Variants in GALNT6 observed in about 807,000 individuals in gnomAD.
GALNT6 encodes GalNAc transferase 6.
Under a neutral mutation model 65.9 loss-of-function variants are expected in GALNT6, and 51 were observed. That is an observed-to-expected ratio of 0.77 (90% CI 0.62 to 0.98). The LOEUF (loss-of-function observed/expected upper bound fraction) is 0.98. Ranked by LOEUF, GALNT6 falls within the 50% of genes least tolerant of loss-of-function variation. GALNT6 has a pLI of 0.00. For synonymous variants in GALNT6, 323 were observed against 315.1 expected (o/e 1.02, Z -0.26); for missense variants, 708 against 803.3 (o/e 0.88, Z 1.43).
At chr12:51,377,057 T>C in intron 4 of GALNT6, 138 bp downstream of exon 4, 1 of 695,996 alleles carries the variant, frequency 1.4e-6, no homozygotes, top group Non-Finnish European at 2.5e-6. Flanking sequence ...TTCTTCCTGC[T>C]CCTGGCCTTT....
intron 11 of GALNT6, 30 bp from the exon 12 acceptor site, chr12:51,354,522 T>C (rs1439795296): frequency 2.1e-6 from 3 of 1,421,522 alleles, no homozygotes; most frequent in Non-Finnish European, 2.9e-6. Context: ...AAGGTCAGTC[T>C]GGGCCACAGA....
chr12:51,363,216 ACTC>A (rs1206349470), intron 6 of GALNT6, among the ~76,000 whole-genome samples: 1 of 152,056 alleles, frequency 6.6e-6, no homozygotes, highest in Non-Finnish European at 1.5e-5. Context: ...ACTAAAAGTC[ACTC>A]CTCAACTTGG....
rs1407790775 is a variant in GALNT6, at chr12:51,384,737, T to TAGC, written c.-103-4856_-103-4854dup. Among the ~76,000 whole-genome samples the TAGC allele has an allele frequency of 1.1e-3, 165 of 149,940 alleles. 1 individual carries two copies. The highest frequency in any genetic ancestry group is 3.9e-3 in the African/African-American group (158 of 40,918). ...GACCAATTAGCAAAAAGAGACCAGT[T>TAGC]AGCTGGGTGTGGTGGCATAGGCCTG... is the stretch of plus-strand genomic sequence containing the variant. On this transcript the variant is annotated intron_variant, in intron 2 of 11. Transcript: ENST00000356317.
chr12:51,376,390 T>C (rs1413382290), intron 4 of GALNT6, among the ~76,000 whole-genome samples: 5 of 151,636 alleles, frequency 3.3e-5, no homozygotes, highest in Non-Finnish European at 7.4e-5. Context: ...TCCCAGCACT[T>C]TGGGAGGCTG....
chr12:51,373,163 G>C (rs1947342167), intron 4 of GALNT6, among the ~76,000 whole-genome samples: 1 of 152,150 alleles, frequency 6.6e-6, no homozygotes. Context: ...AGACTTTGGG[G>C]GGACTGTTGG....
chr12:51,365,156 A>G (rs946805258), intron 5 of GALNT6, among the ~76,000 whole-genome samples: 13 of 152,172 alleles, frequency 8.5e-5, no homozygotes, highest in Non-Finnish European at 4.4e-5. Flanking sequence ...AGATGGGAGT[A>G]CAGGGAGGGA....
Position 51,379,731 on chromosome 12 carries a change from G to A in GALNT6, c.51C>T (p.Gly17=). The change falls in exon 3 of 12, where the codon GGC becomes GGT. Residue 17 remains glycine (G), a synonymous_variant. Coordinates refer to ENST00000356317, the MANE Select transcript of GALNT6 (RefSeq NM_007210.4). ...RHMPLRLAMV[G]CAFVLFLFLL... ...GGAAGAGGAAGAGCACAAAGGCGCA[G>A]CCCACCATGGCCAGGCGCAGGGGCA... 1.2e-6 allele frequency: 2 copies of A among 1,613,122 alleles called. No individual in the cohort carries two copies. Among genetic ancestry groups the A allele is most frequent in the Non-Finnish European group, 1.7e-6 (2 of 1,179,896 alleles).
chr12:51,378,421 T>A (rs1170717477), intron 3 of GALNT6, among the ~76,000 whole-genome samples: 1 of 152,114 alleles, frequency 6.6e-6, no homozygotes, highest in Non-Finnish European at 1.5e-5. Flanking sequence ...CCTTCCATAG[T>A]GCTGGGATTA....
intron 2 of GALNT6, among the ~76,000 whole-genome samples, chr12:51,386,187 C>T (rs1947835465): frequency 6.6e-6 from 1 of 152,232 alleles, no homozygotes; most frequent in Non-Finnish European, 1.5e-5. Flanking sequence ...CTCATTTTAT[C>T]AACGGCGAGG....
intron 6 of GALNT6, among the ~76,000 whole-genome samples, chr12:51,361,458 G>A (rs1449399454): frequency 2.0e-5 from 3 of 152,204 alleles, no homozygotes; most frequent in African/African-American, 4.8e-5. Context: ...GAAGTTGCCA[G>A]TTGCTTTTAA....
chr12:51,384,684 T>C (rs1206644417), intron 2 of GALNT6, among the ~76,000 whole-genome samples: 1 of 117,734 alleles, frequency 8.5e-6, no homozygotes, highest in African/African-American at 3.4e-5. Context: ...AGAGCAAGAC[T>C]CTGTCTCAAA....
intron 3 of GALNT6, 78 bp downstream of exon 3, chr12:51,379,213 G>T: frequency 1.4e-6 from 2 of 1,403,928 alleles, no homozygotes; most frequent in South Asian, 1.5e-5. Flanking sequence ...TCTGGCCCTT[G>T]ATCTATGGCC....
chr12:51,391,493 G>T, upstream of GALNT6: 1 of 155,874 alleles, frequency 6.4e-6, no homozygotes, highest in Non-Finnish European at 1.4e-5. Context: ...GAGGAGGTGA[G>T]AGCGAGGACT....
intron 4 of GALNT6, 77 bp from the exon 5 acceptor site, chr12:51,365,656 G>A: frequency 1.4e-6 from 2 of 1,463,132 alleles, no homozygotes; most frequent in South Asian, 1.3e-5. Context: ...CAAGCTAGGG[G>A]CTCTCAGGCC....
chr12:51,384,877 C>G (rs1173401455), intron 2 of GALNT6, among the ~76,000 whole-genome samples: 1 of 151,672 alleles, frequency 6.6e-6, no homozygotes, highest in Non-Finnish European at 1.5e-5. Context: ...AGAGCGAGAC[C>G]CTGTCTCAAA....
chr12:51,383,269 C>T (rs897195900), intron 2 of GALNT6, among the ~76,000 whole-genome samples: 2 of 152,104 alleles, frequency 1.3e-5, no homozygotes, highest in African/African-American at 4.8e-5. Flanking sequence ...GGAACTGTCC[C>T]GGCTAAGCCC....
chr12:51,355,614 C>T (rs1030468992), intron 11 of GALNT6, among the ~76,000 whole-genome samples, 192 bp downstream of exon 11: 1 of 152,106 alleles, frequency 6.6e-6, no homozygotes, highest in African/African-American at 2.4e-5. Flanking sequence ...GGATTATAGG[C>T]GCCGACCACT....
At chr12:51,365,979 G>A (rs549693615) in intron 4 of GALNT6, among the ~76,000 whole-genome samples, 33 of 152,278 alleles carry the variant, frequency 2.2e-4, no homozygotes, top group South Asian at 4.1e-4. Flanking sequence ...GTGCAATGGC[G>A]TGATCTTGGC....
At chr12:51,385,238 C>T (rs1458895497) in intron 2 of GALNT6, among the ~76,000 whole-genome samples, 1 of 152,128 alleles carries the variant, frequency 6.6e-6, no homozygotes, top group Non-Finnish European at 1.5e-5. Context: ...ATCCTCCTGC[C>T]TTGACCTCCC....
Sources: allele counts gnomAD v4.1 joint callset (sites outside exome capture counted in the v4.1 genomes callset), GRCh38; gene constraint gnomAD v4.1.1; transcripts MANE v1.5; gene names NCBI Gene and HGNC (gene_info 2026-07-23, HGNC 2026-07-21).